SEC31A: variants seen among roughly 807,000 people sequenced by gnomAD.
SEC31A encodes SEC31 homolog A, COPII component.
SEC31A carries 70 observed loss-of-function variants against 151.0 expected under a neutral mutation model. The observed-to-expected ratio is 0.46, with a 90% confidence interval of 0.38 to 0.57. The LOEUF (loss-of-function observed/expected upper bound fraction) is 0.57, where lower values mean the gene tolerates loss of function less well. Among genes scored for constraint, SEC31A ranks in the 20% least tolerant of loss-of-function variants. The pLI, the probability that SEC31A is intolerant of heterozygous loss-of-function variation, is 0.00. For synonymous variants in SEC31A, 475 were observed against 505.9 expected, an observed-to-expected ratio of 0.94 and a Z score of 0.82; for missense variants, 1,330 against 1,471.2, an observed-to-expected ratio of 0.90 and a Z score of 1.57.
intron 14 of SEC31A, among the ~76,000 whole-genome samples, chr4:82,859,716 T>A (rs1355632617): frequency 1.3e-5 from 2 of 152,186 alleles, no homozygotes. Context: ...AAATTAAGAA[T>A]TTAAGTTATT....
intron 22 of SEC31A, 65 bp from the exon 23 acceptor site, chr4:82,829,123 C>T (rs949603332): frequency 5.3e-6 from 7 of 1,325,372 alleles, no homozygotes; most frequent in African/African-American, 1.4e-5. Flanking sequence ...AAAACTGAAT[C>T]GATCACCTAA....
intron 10 of SEC31A, among the ~76,000 whole-genome samples, chr4:82,865,079 A>C (rs1375801832): frequency 6.6e-6 from 1 of 152,232 alleles, no homozygotes; most frequent in African/African-American, 2.4e-5. Flanking sequence ...GAACAGACTT[A>C]CGAGTGACAT....
chr4:82,880,815 A>C lies in SEC31A; in HGVS notation c.187T>G (p.Phe63Val). 1 of 1,612,520 alleles carries C rather than the reference A, an allele frequency of 6.2e-7. No homozygotes were observed. Among genetic ancestry groups the C allele is most frequent in the Non-Finnish European group, 8.5e-7 (1 of 1,179,072 alleles). ...ACCTCATACCTGTGAGAAGAGGAGA[A>C]TGTGGCACAAGATTTCATATCCAAG... ...PSLDMKSCATFSSSHRYHKLI... is the reference protein window; with the variant it reads ...PSLDMKSCATVSSSHRYHKLI... The change falls in exon 3 of 27, where the codon TTC (phenylalanine) becomes GTC (valine). Residue 63 changes from phenylalanine (F) to valine (V), a missense_variant. Coordinates refer to ENST00000395310, the MANE Select transcript of SEC31A (RefSeq NM_001077207.4).
In SEC31A at chr4:82,874,740, A is replaced by G. The variant is rs1429323212; in HGVS notation, c.510T>C (p.Asp170=). The G allele has an allele frequency of 1.9e-6, 3 of 1,606,930 alleles. No homozygotes were observed. The highest frequency in any genetic ancestry group is 2.7e-5 in the African/African-American group (2 of 74,624). The change falls in exon 6 of 27, where the codon GAT becomes GAC. Residue 170 remains aspartate, a synonymous_variant. Coordinates refer to ENST00000395310, the MANE Select transcript of SEC31A (RefSeq NM_001077207.4). ...GTCTGTTCCATGCAATGCAGCTGATATCTTCTGGCGGCTACAAGGAAGAAA... is the reference window on the plus strand; with the variant it reads ...GTCTGTTCCATGCAATGCAGCTGATGTCTTCTGGCGGCTACAAGGAAGAAA... ...TPGAKTQPPE[D]ISCIAWNRQV...
intron 14 of SEC31A, 90 bp from the exon 15 acceptor site, chr4:82,857,854 A>G: frequency 1.3e-6 from 1 of 787,302 alleles, no homozygotes; most frequent in Non-Finnish European, 2.1e-6. Flanking sequence ...TTCTTCATCT[A>G]CAGAGTAGAT....
intron 1 of SEC31A, among the ~76,000 whole-genome samples, chr4:82,885,664 T>C (rs950604412): frequency 2.6e-5 from 4 of 152,246 alleles, no homozygotes; most frequent in Non-Finnish European, 4.4e-5. Context: ...CTTTGACTCA[T>C]AGCCATTACA....
chr4:82,859,140 AT>A (rs1278974208), intron 14 of SEC31A, among the ~76,000 whole-genome samples: 1 of 152,204 alleles, frequency 6.6e-6, no homozygotes, highest in African/African-American at 2.4e-5. Context: ...TGAAAAAAAA[AT>A]CACATGGTAC....
intron 1 of SEC31A, among the ~76,000 whole-genome samples, chr4:82,883,821 C>T (rs1354725603): frequency 6.7e-6 from 1 of 148,570 alleles, no homozygotes. Context: ...AGAGTGAGAC[C>T]ATGACTCAAA....
chr4:82,824,248 G>A (rs1366111909), intron 25 of SEC31A, among the ~76,000 whole-genome samples: 1 of 152,126 alleles, frequency 6.6e-6, no homozygotes, highest in African/African-American at 2.4e-5. Context: ...CTGTCACCCA[G>A]GCTGGAGTGC....
intron 12 of SEC31A, chr4:82,863,099 C>A: frequency 2.2e-6 from 1 of 457,268 alleles, no homozygotes; most frequent in Non-Finnish European, 3.8e-6. Flanking sequence ...AAGGCTAATA[C>A]AAGTTACATA....
intron 5 of SEC31A, 100 bp downstream of exon 5, chr4:82,875,627 A>G (rs1245217459): frequency 4.4e-6 from 3 of 676,828 alleles, no homozygotes; most frequent in Non-Finnish European, 7.8e-6. Flanking sequence ...TTTTAAACAT[A>G]TATGTTTTGT....
chr4:82,871,467 G>C, intron 7 of SEC31A: 1 of 1,270,410 alleles, frequency 7.9e-7, no homozygotes, highest in South Asian at 1.3e-5. Context: ...TTTTACCATA[G>C]ACTAACTGAT....
intron 21 of SEC31A, 64 bp from the exon 22 acceptor site, chr4:82,842,545 A>C (rs1403130446): frequency 1.6e-6 from 2 of 1,236,388 alleles, no homozygotes; most frequent in Non-Finnish European, 2.2e-6. Flanking sequence ...AGTAGCAGAA[A>C]ACTAAAAAGT....
chr4:82,855,210 A>T (rs1385583372), intron 16 of SEC31A, among the ~76,000 whole-genome samples, 181 bp from the exon 17 acceptor site: 1 of 152,244 alleles, frequency 6.6e-6, no homozygotes. Flanking sequence ...GCAACAACAA[A>T]AACAACTGAC....
chr4:82,858,986 C>A (rs182702526), intron 14 of SEC31A, among the ~76,000 whole-genome samples: 1 of 152,148 alleles, frequency 6.6e-6, no homozygotes, highest in African/African-American at 2.4e-5. Flanking sequence ...CAGGCGTGAG[C>A]CACCACGCCA....
intron 22 of SEC31A, among the ~76,000 whole-genome samples, chr4:82,836,156 C>G (rs1186140462): frequency 1.3e-5 from 2 of 151,944 alleles, no homozygotes; most frequent in Non-Finnish European, 2.9e-5. Context: ...GGGTGGATCA[C>G]AAGGTCAGGA....
rs1055314674 is a variant in SEC31A, at chr4:82,872,069, C to A, written c.657G>T (p.Leu219Phe). 1.2e-6 allele frequency: 2 copies of A among 1,613,808 alleles called. No individual in the cohort carries two copies. The highest frequency in any genetic ancestry group is 2.2e-5 in the East Asian group (1 of 44,872). The change falls in exon 7 of 27, where the codon TTG becomes TTT. Residue 219 changes from leucine to phenylalanine, a missense_variant. Leu to Phe is a conservative substitution (Grantham distance 22, BLOSUM62 0). Coordinates refer to ENST00000395310, the MANE Select transcript of SEC31A (RefSeq NM_001077207.4). ...GAGTAGCAACATCAGGATGCCATGC[C>A]AACCCAGAACAATGCATCTGAAGAT... is the stretch of plus-strand genomic sequence containing the variant. ...DHSNRMHCSG[L>F]AWHPDVATQM...
At chr4:82,824,269 T>C (rs980575823) in intron 25 of SEC31A, among the ~76,000 whole-genome samples, 1 of 152,196 alleles carries the variant, frequency 6.6e-6, no homozygotes, top group African/African-American at 2.4e-5. Flanking sequence ...AATGGCGCGA[T>C]CTCGGCTCAT....
In SEC31A at chr4:82,866,886, C is replaced by G. The variant is rs778157461; in HGVS notation, c.1119G>C (p.Gln373His). Residue 373 changes from glutamine (Q) to histidine (H), a missense_variant, in exon 10 of 27, where the codon CAG becomes CAC. Transcript: ENST00000395310. ...QPLPPLQIPQ[Q>H]TAQHSIVLPL... ...GCAGCACTATACTATGCTGAGCAGT[C>G]TGCTGTGGAATTTGTAACGGAGGAA... 52 of 1,614,180 alleles carry G rather than the reference C, an allele frequency of 3.2e-5. 1 individual carries two copies. Among genetic ancestry groups the G allele is most frequent in the Middle Eastern group, 3.3e-4 (2 of 6,062 alleles).
Sources: allele counts gnomAD v4.1 joint callset (sites outside exome capture counted in the v4.1 genomes callset), GRCh38; gene constraint gnomAD v4.1.1; transcripts MANE v1.5; gene names NCBI Gene and HGNC (gene_info 2026-07-23, HGNC 2026-07-21).